TRABD2B: variants seen among roughly 807,000 people sequenced by gnomAD.
TRABD2B encodes TraB domain containing 2B, also known as metalloprotease TIKI2.
In TRABD2B, 14 loss-of-function variants were observed where a neutral mutation model predicts 40.1. That is an observed-to-expected ratio of 0.35 (90% CI 0.23 to 0.55). The LOEUF is 0.55. TRABD2B is among the 20% of genes least tolerant of loss of function. The pLI is 0.90. For missense variants in TRABD2B, 541 were observed against 648.6 expected, an observed-to-expected ratio of 0.83 and a Z score of 1.80; for synonymous variants, 263 against 277.0, an observed-to-expected ratio of 0.95 and a Z score of 0.50.
At chr1:47,783,884 A>C (rs1173820055) in intron 4 of TRABD2B, among the ~76,000 whole-genome samples, 1 of 152,128 alleles carries the variant, frequency 6.6e-6, no homozygotes, top group African/African-American at 2.4e-5. Flanking sequence ...GACTGTTAGA[A>C]CACCCCACTC....
intron 4 of TRABD2B, among the ~76,000 whole-genome samples, chr1:47,786,218 A>C (rs941663437): frequency 1.1e-4 from 16 of 152,250 alleles, no homozygotes; most frequent in African/African-American, 3.9e-4. Flanking sequence ...AGGAGAACGC[A>C]GGGTTTCTAA....
chr1:47,997,288 G>T lies in TRABD2B; in HGVS notation c.-499C>A, dbSNP rs925613283. 5 of 917,842 alleles carry T rather than the reference G, an allele frequency of 5.4e-6. No homozygotes were observed. Among genetic ancestry groups the T allele is most frequent in the Non-Finnish European group, 6.5e-6 (5 of 770,710 alleles). The allele number at this position is 917,842 out of a possible 1,614,324, so 56.9% of individuals were successfully genotyped here. ...GGTGGGGGGCGGCTCTGGGGCGACC[G>T]GCTGCCCCCGAGCCCGGCTCAGAGG... On this transcript the variant is annotated 5_prime_UTR_variant, in exon 1 of 7. Coordinates refer to ENST00000606738, the MANE Select transcript of TRABD2B (RefSeq NM_001194986.2).
chr1:47,778,355 C>A, intron 5 of TRABD2B, 99 bp downstream of exon 5: 1 of 852,466 alleles, frequency 1.2e-6, no homozygotes. Flanking sequence ...TGGTAGAGAC[C>A]TGCCTCTGCC....
intron 2 of TRABD2B, among the ~76,000 whole-genome samples, chr1:47,821,308 C>A (rs934547105): frequency 4.6e-5 from 7 of 152,184 alleles, no homozygotes; most frequent in African/African-American, 7.2e-5. Context: ...GGGTTCAAGT[C>A]CCCCTGAACA....
intron 6 of TRABD2B, 23 bp downstream of exon 6, chr1:47,775,147 C>T: frequency 2.4e-6 from 3 of 1,233,118 alleles, no homozygotes; most frequent in Non-Finnish European, 3.0e-6. Flanking sequence ...AGCTCCTGGG[C>T]AGACCTGCCC....
At chr1:47,836,509 G>C (rs1645320182) in intron 2 of TRABD2B, among the ~76,000 whole-genome samples, 1 of 152,226 alleles carries the variant, frequency 6.6e-6, no homozygotes, top group Non-Finnish European at 1.5e-5. Context: ...ATGGAATTAT[G>C]TGTGTTGTCC....
intron 6 of TRABD2B, among the ~76,000 whole-genome samples, chr1:47,772,815 G>T (rs981551512): frequency 5.3e-5 from 8 of 152,140 alleles, no homozygotes; most frequent in Admixed American, 5.2e-4. Context: ...CTCAGGGCCT[G>T]CTCCCCTAGA....
chr1:47,909,642 T>C (rs935023151), intron 2 of TRABD2B, among the ~76,000 whole-genome samples: 5 of 148,858 alleles, frequency 3.4e-5, no homozygotes, highest in African/African-American at 5.0e-5. Flanking sequence ...TGGGAACCAA[T>C]AGAATGAGAA....
intron 2 of TRABD2B, among the ~76,000 whole-genome samples, chr1:47,844,262 C>T (rs980202775): frequency 6.6e-6 from 1 of 152,284 alleles, no homozygotes; most frequent in African/African-American, 2.4e-5. Flanking sequence ...CCTTTTTCTC[C>T]CGGAGCCCAC....
rs71056647 is a variant in TRABD2B, at chr1:47,909,559, A to AAGG, written c.666+84472_666+84474dup. Among the ~76,000 whole-genome samples the AAGG allele has an allele frequency of 4.6e-3, 543 of 117,378 alleles. 2 individuals are homozygous for AAGG. The highest frequency in any genetic ancestry group is 8.8e-3 in the African/African-American group (261 of 29,696). The allele number at this position is 117,378 out of a possible 152,430, so 77.0% of individuals were successfully genotyped here. On this transcript the variant is annotated intron_variant, in intron 2 of 6. Transcript: ENST00000606738. ...GAGGAGAAGGAGGAGAAGAAGGAAG[A>AAGG]AGGAGGAGGAGGAGGAGGAGGAGGA... is the stretch of plus-strand genomic sequence containing the variant.
At chr1:47,778,607 C>T (rs1644479401) in intron 4 of TRABD2B, 63 bp from the exon 5 acceptor site, 1 of 1,193,430 alleles carries the variant, frequency 8.4e-7, no homozygotes, top group South Asian at 1.3e-5. Context: ...AGGGGACTGC[C>T]CCAGGCCATC....
intron 2 of TRABD2B, among the ~76,000 whole-genome samples, chr1:47,922,312 C>A (rs540258493): frequency 6.6e-6 from 1 of 152,286 alleles, no homozygotes; most frequent in East Asian, 1.9e-4. Context: ...CACAAGAGGC[C>A]AAGAGCACGA....
intron 2 of TRABD2B, among the ~76,000 whole-genome samples, chr1:47,871,940 C>G (rs998504612): frequency 2.0e-5 from 3 of 152,204 alleles, no homozygotes; most frequent in African/African-American, 7.2e-5. Context: ...GGTGCCTGTG[C>G]GTCAGTGCAC....
At chr1:47,820,764 C>A (rs1384343704) in intron 2 of TRABD2B, among the ~76,000 whole-genome samples, 1 of 142,430 alleles carries the variant, frequency 7.0e-6, no homozygotes, top group East Asian at 2.1e-4. Flanking sequence ...TTATTCAATA[C>A]TGAGAAGTTC....
Position 47,954,548 on chromosome 1 carries a change from T to C in TRABD2B, c.666+39486A>G, listed in dbSNP as rs114164397. Among the ~76,000 whole-genome samples, 557 of 152,238 alleles carry C rather than the reference T, an allele frequency of 3.7e-3. 6 individuals carry two copies. The highest frequency in any genetic ancestry group is 0.012 in the African/African-American group (512 of 41,546). On this transcript the variant is annotated intron_variant, in intron 2 of 6. Transcript: ENST00000606738. Reference sequence around the variant, plus strand: ...CTTACAGAGGAGGGAATAACTAAAATGGTGCTTGGGACAGGAACTGCTGAG... The same window carrying C: ...CTTACAGAGGAGGGAATAACTAAAACGGTGCTTGGGACAGGAACTGCTGAG...
At chr1:47,917,460 C>T (rs906593248) in intron 2 of TRABD2B, among the ~76,000 whole-genome samples, 3 of 152,264 alleles carry the variant, frequency 2.0e-5, no homozygotes, top group African/African-American at 7.2e-5. Flanking sequence ...GTGGCTCACG[C>T]CTGTAATCCC....
intron 2 of TRABD2B, among the ~76,000 whole-genome samples, chr1:47,930,250 A>C (rs148355365): frequency 5.5e-4 from 84 of 152,364 alleles, no homozygotes; most frequent in Non-Finnish European, 9.0e-4. Context: ...CCAGGAGGCC[A>C]GGTGATTTAT....
chr1:47,992,065 A>T (rs576270957), intron 2 of TRABD2B, among the ~76,000 whole-genome samples: 1 of 152,192 alleles, frequency 6.6e-6, no homozygotes, highest in Non-Finnish European at 1.5e-5. Context: ...GGTGAAGGGT[A>T]TGGAGATTAG....
At chr1:47,831,071 T>C (rs1266875976) in intron 2 of TRABD2B, among the ~76,000 whole-genome samples, 1 of 9,758 alleles carries the variant, frequency 1.0e-4, no homozygotes, top group Non-Finnish European at 1.1e-3. Context: ...CTGTCCTTGG[T>C]TGCCACGTGT....
Sources: allele counts gnomAD v4.1 joint callset (sites outside exome capture counted in the v4.1 genomes callset), GRCh38; gene constraint gnomAD v4.1.1; transcripts MANE v1.5; gene names NCBI Gene and HGNC (gene_info 2026-07-23, HGNC 2026-07-21).